BACH2: variants seen among roughly 807,000 people sequenced by gnomAD.
The protein encoded by BACH2 is BACH transcriptional regulator 2, also known as transcription regulator protein BACH2.
In BACH2, 5 loss-of-function variants were observed where a neutral mutation model predicts 61.8. The observed-to-expected ratio is 0.08, with a 90% confidence interval of 0.04 to 0.17. The LOEUF is 0.17. Ranked by LOEUF, BACH2 falls within the 10% of genes least tolerant of loss-of-function variation. The pLI is 1.00. For missense variants in BACH2, 824 were observed against 1,091.1 expected, an observed-to-expected ratio of 0.76 and a Z score of 3.45; for synonymous variants, 446 against 440.1, an observed-to-expected ratio of 1.01 and a Z score of -0.17.
At chr6:90,110,834 A>G (rs1431860454) in intron 4 of BACH2, among the ~76,000 whole-genome samples, 1 of 152,224 alleles carries the variant, frequency 6.6e-6, no homozygotes, top group Admixed American at 6.5e-5. Context: ...TTTTTCCTGG[A>G]GATAACCAGT....
intron 4 of BACH2, among the ~76,000 whole-genome samples, chr6:90,114,627 C>T (rs540331424): frequency 5.1e-4 from 78 of 152,292 alleles, no homozygotes; most frequent in African/African-American, 1.8e-3. Flanking sequence ...TGCCCTCTCT[C>T]ACCACTTTAT....
intron 4 of BACH2, among the ~76,000 whole-genome samples, chr6:90,154,959 A>G (rs891927838): frequency 6.6e-6 from 1 of 152,234 alleles, no homozygotes; most frequent in African/African-American, 2.4e-5. Flanking sequence ...AAGAACTTGA[A>G]GCAGGCTCAA....
chr6:90,276,812 C>A (rs1771708903), intron 1 of BACH2, among the ~76,000 whole-genome samples: 1 of 152,092 alleles, frequency 6.6e-6, no homozygotes, highest in Non-Finnish European at 1.5e-5. Flanking sequence ...CCTTAGTTTT[C>A]CACTATCACC....
intron 1 of BACH2, among the ~76,000 whole-genome samples, chr6:90,289,155 T>C (rs1772109562): frequency 6.6e-6 from 1 of 152,218 alleles, no homozygotes; most frequent in South Asian, 2.1e-4. Flanking sequence ...TCCAATATTT[T>C]AGAGTGAGAT....
At chr6:90,085,108 C>G (rs553036004) in intron 5 of BACH2, among the ~76,000 whole-genome samples, 6 of 152,128 alleles carry the variant, frequency 3.9e-5, no homozygotes, top group Non-Finnish European at 7.4e-5. Context: ...ACAGGACTAC[C>G]GGCCACTCAC....
At chr6:89,958,549 C>T (rs1300008809) in intron 6 of BACH2, among the ~76,000 whole-genome samples, 1 of 152,180 alleles carries the variant, frequency 6.6e-6, no homozygotes, top group East Asian at 1.9e-4. Flanking sequence ...ATTGCTGTTG[C>T]TACAAATATG....
intron 5 of BACH2, among the ~76,000 whole-genome samples, chr6:90,022,139 T>C (rs1778407121): frequency 6.6e-6 from 1 of 152,224 alleles, no homozygotes; most frequent in East Asian, 1.9e-4. Flanking sequence ...AAAGGAACAG[T>C]TGTAACAAGT....
intron 2 of BACH2, among the ~76,000 whole-genome samples, chr6:90,266,978 C>T (rs1481745792): frequency 1.3e-5 from 2 of 152,114 alleles, no homozygotes; most frequent in Non-Finnish European, 2.9e-5. Context: ...ACGATATACA[C>T]TATGCCAAGC....
rs1771580402 is a variant in BACH2 at position 90,273,136 on chromosome 6, G to T, written c.-445-1195C>A. On this transcript the variant is annotated intron_variant, in intron 1 of 8. Transcript: ENST00000257749. ...AGCACTTTGGGAGGCTAAGGCGGAG[G>T]ATCGCTTGAGGCCAGGTGTTCAAAA... Among the ~76,000 whole-genome samples the T allele has an allele frequency of 4.6e-5, 7 of 152,100 alleles. No homozygotes were observed. In the South Asian group the frequency reaches 1.5e-3, roughly 32 times the overall value.
chr6:90,100,183 A>G (rs1410556892), intron 4 of BACH2, among the ~76,000 whole-genome samples: 1 of 152,198 alleles, frequency 6.6e-6, no homozygotes, highest in Non-Finnish European at 1.5e-5. Context: ...ATATCAGTTG[A>G]TGGATATTTG....
rs767372478 is a variant in BACH2, at chr6:89,951,237, G to C, written c.869C>G (p.Thr290Arg). 1 of 1,614,096 alleles carries C rather than the reference G, an allele frequency of 6.2e-7. No individual in the cohort carries two copies. The highest frequency in any genetic ancestry group is 1.3e-5 in the African/African-American group (1 of 75,040). Residue 290 changes from threonine to arginine, a missense_variant, in exon 7 of 9, where the codon ACG becomes AGG. Thr to Arg is a moderately conservative substitution (Grantham distance 71). Around this residue, in one of 8 missense-constraint regions of BACH2, gnomAD observed 226 missense variants for 228.5 expected, o/e 0.99. Coordinates refer to ENST00000257749, the MANE Select transcript of BACH2 (RefSeq NM_021813.4). This position sits in a 1 kb window ranked among gnomAD's most constrained non-coding sequence, Gnocchi z 6.4. ...PSEENEEESITLCLSGDEPDA... is the reference protein window; with the variant it reads ...PSEENEEESIRLCLSGDEPDA... ...AGGCTCATCTCCAGACAGGCAGAGC[G>C]TGATGCTCTCTTCCTCATTCTCTTC...
intron 5 of BACH2, among the ~76,000 whole-genome samples, chr6:90,077,294 A>G (rs952319716): frequency 6.6e-6 from 1 of 152,152 alleles, no homozygotes; most frequent in African/African-American, 2.4e-5. Context: ...CGGCGAAGAT[A>G]ATGGGGAATA....
At chr6:90,239,379 A>G (rs1466956984) in intron 3 of BACH2, among the ~76,000 whole-genome samples, 1 of 152,188 alleles carries the variant, frequency 6.6e-6, no homozygotes, top group Non-Finnish European at 1.5e-5. Flanking sequence ...AACAGCTGAG[A>G]AGAGGCTATG....
At chr6:90,142,766 G>T (rs1422429201) in intron 4 of BACH2, among the ~76,000 whole-genome samples, 2 of 151,998 alleles carry the variant, frequency 1.3e-5, no homozygotes, top group East Asian at 1.9e-4. Flanking sequence ...CATTATAAAA[G>T]ATTTAAATTT....
At chr6:90,214,469 G>A (rs911441246) in intron 3 of BACH2, among the ~76,000 whole-genome samples, 4 of 152,122 alleles carry the variant, frequency 2.6e-5, no homozygotes, top group Non-Finnish European at 5.9e-5. Flanking sequence ...ACTGCAATGG[G>A]AGCACTGTTA....
At chr6:90,105,822 AG>A (rs1782878162) in intron 4 of BACH2, among the ~76,000 whole-genome samples, 1 of 152,220 alleles carries the variant, frequency 6.6e-6, no homozygotes, top group African/African-American at 2.4e-5. Context: ...CTGCTTTAAA[AG>A]ACTGAATTTT....
intron 3 of BACH2, among the ~76,000 whole-genome samples, chr6:90,230,868 G>A (rs915338924): frequency 2.0e-5 from 3 of 152,160 alleles, no homozygotes; most frequent in Non-Finnish European, 4.4e-5. Flanking sequence ...TCAGACTTAG[G>A]AACAGAGCTC....
chr6:89,979,816 T>A (rs1050295765), intron 6 of BACH2, among the ~76,000 whole-genome samples: 1 of 152,236 alleles, frequency 6.6e-6, no homozygotes, highest in Non-Finnish European at 1.5e-5. Context: ...AACTAATTTC[T>A]TTACAAACTT....
chr6:90,253,994 G>A (rs2127871674), intron 2 of BACH2, among the ~76,000 whole-genome samples: 1 of 152,182 alleles, frequency 6.6e-6, no homozygotes, highest in East Asian at 1.9e-4. Context: ...TTGTCTTACT[G>A]TTTAGTATCC....
Sources: gnomAD v4.1 joint callset for allele counts (sites outside exome capture counted in the v4.1 genomes callset) on GRCh38, gnomAD v4.1.1 for gene constraint, gnomAD v4.1.1 regional missense constraint, Gnocchi (gnomAD v3.1) non-coding constraint, MANE v1.5 for transcripts, NCBI Gene and HGNC (gene_info 2026-07-23, HGNC 2026-07-21) for gene names.